Variants in MZT2B observed in about 807,000 individuals in gnomAD.
MZT2B encodes mitotic-spindle organizing protein 2B.
Under a neutral mutation model 12.1 loss-of-function variants are expected in MZT2B, and 11 were observed. The ratio of observed to expected loss-of-function variants is 0.91; its 90% CI spans 0.57 to 1.50. The LOEUF (loss-of-function observed/expected upper bound fraction) is 1.50. MZT2B is among the 40% of genes most tolerant of loss of function. MZT2B has a pLI of 0.00. For synonymous variants in MZT2B, 85 were observed against 109.5 expected (o/e 0.78, Z 1.40); for missense variants, 209 against 227.7 (o/e 0.92, Z 0.53).
At chr2:130,200,589 C>T in the MZT2B span, among the ~76,000 whole-genome samples, 2 of 152,132 alleles carry the variant, frequency 1.3e-5, no homozygotes, top group Non-Finnish European at 2.9e-5. Flanking sequence ...TTCTGCACAC[C>T]TCACATAACT....
chr2:130,204,235 C>T, the MZT2B span: 7 of 1,035,378 alleles, frequency 6.8e-6, no homozygotes, highest in Middle Eastern at 4.9e-4. Flanking sequence ...CCATCAGCAG[C>T]AAAAGCTGGC....
chr2:130,204,712 T>A, the MZT2B span, among the ~76,000 whole-genome samples: 10 of 47,716 alleles, frequency 2.1e-4, no homozygotes, highest in African/African-American at 7.1e-4. Flanking sequence ...AAAGGGGGGG[T>A]GGGGAGGAAG....
chr2:130,185,959 C>T (rs1690044500), intron 2 of MZT2B, among the ~76,000 whole-genome samples: 1 of 152,028 alleles, frequency 6.6e-6, no homozygotes, highest in African/African-American at 2.4e-5. Context: ...AGAGTGGAAC[C>T]TGAGGAGGAG....
At chr2:130,185,940 T>C (rs10198499) in intron 2 of MZT2B, among the ~76,000 whole-genome samples, 78,099 of 151,676 alleles carry the variant, frequency 0.51, 22,241 homozygotes, top group African/African-American at 0.77. Context: ...ACCGAGGCCC[T>C]GTGGAGATAG....
At chr2:130,181,716 G>C (rs1277628276), upstream of MZT2B, 1 of 1,549,080 alleles carries the variant, frequency 6.5e-7, no homozygotes, top group East Asian at 2.4e-5. Flanking sequence ...GCGGGGAAGA[G>C]AAATGGCGAG....
At chr2:130,191,647 G>A (rs548747325), downstream of MZT2B, 618 of 1,093,782 alleles carry the variant, frequency 5.7e-4, 6 homozygotes, top group African/African-American at 8.6e-3. Context: ...CCAACCCCAC[G>A]CCAGCAGGGC....
At chr2:130,203,048 C>CTTTTTTTTTTTTTTT in the MZT2B span, among the ~76,000 whole-genome samples, 3 of 118,528 alleles carry the variant, frequency 2.5e-5, no homozygotes, top group Non-Finnish European at 3.5e-5. Context: ...TTTCTTTTTT[C>CTTTTTTTTTTTTTTT]TTTTTTTTTT....
At chr2:130,196,459 T>C in the MZT2B span, 3 of 1,521,498 alleles carry the variant, frequency 2.0e-6, no homozygotes, top group Non-Finnish European at 2.7e-6. Context: ...TTAATATTTA[T>C]ATAGTGCTTC....
chr2:130,183,279 G>A, intron 2 of MZT2B: 1 of 273,434 alleles, frequency 3.7e-6, no homozygotes, highest in Non-Finnish European at 7.1e-6. Flanking sequence ...AGGGCAGGCA[G>A]AGGTCTTCCT....
rs557279045 is a variant in MZT2B at position 130,183,923 on chromosome 2, G to C, written c.319+1148G>C. The C allele has an allele frequency of 2.6e-6, 4 of 1,550,502 alleles. 1 individual carries two copies. The highest frequency in any genetic ancestry group is 2.7e-5 in the African/African-American group (2 of 73,134). ...ACTCGCCTCTCTCTCCAGGCCCCCC[G>C]GGTTCCCTCCGCCTCTCTTGCTGCC... On this transcript the variant is annotated intron_variant, in intron 2 of 2. Coordinates refer to ENST00000281871, the MANE Select transcript of MZT2B (RefSeq NM_025029.5).
chr2:130,192,196 C>T (rs1308119853), downstream of MZT2B: 8 of 1,541,936 alleles, frequency 5.2e-6, no homozygotes, highest in African/African-American at 2.7e-5. Flanking sequence ...GCTACTTCTC[C>T]TCAAACAGAA....
At chr2:130,191,533 G>C (rs1690258531), downstream of MZT2B, among the ~76,000 whole-genome samples, 1 of 152,150 alleles carries the variant, frequency 6.6e-6, no homozygotes, top group Admixed American at 6.5e-5. Context: ...AGCTTTCCTA[G>C]AATTTAGGAA....
At position 130,182,322 on chromosome 2, in the gene MZT2B, G is replaced by T; in HGVS notation, c.40G>T (p.Ala14Ser). Residue 14 changes from alanine to serine, a missense_variant, in exon 1 of 3, where the codon GCG becomes TCG. Coordinates refer to ENST00000281871, the MANE Select transcript of MZT2B (RefSeq NM_025029.5). ...CGTAGGGCCTGGGCCGGGGTCGGCG[G>T]CGCCCCCGGGGCTGGAGGCGGCCCG... ...QGVGPGPGSA[A>S]PPGLEAARQK... 6.6e-7 allele frequency: 1 copy of T among 1,518,184 alleles called. No individual in the cohort carries two copies. The highest frequency in any genetic ancestry group is 8.8e-7 in the Non-Finnish European group (1 of 1,139,690). The allele number at this position is 1,518,184 out of a possible 1,614,324, so 94.0% of individuals were successfully genotyped here. A position where few individuals can be genotyped will look rare whatever the true frequency, so the allele number is the denominator to read the frequency against.
upstream of MZT2B, chr2:130,182,167 C>G: frequency 7.9e-7 from 1 of 1,267,236 alleles, no homozygotes; most frequent in East Asian, 3.6e-5. Context: ...CGCGCTCCCG[C>G]CCCTCCCGCC....
At chr2:130,186,622 A>C (rs958998695) in intron 2 of MZT2B, among the ~76,000 whole-genome samples, 19 of 152,346 alleles carry the variant, frequency 1.2e-4, no homozygotes, top group Non-Finnish European at 2.6e-4. Context: ...AGCAGATGCC[A>C]AATGACCGGT....
chr2:130,198,483 G>A, the MZT2B span: 2 of 1,173,616 alleles, frequency 1.7e-6, no homozygotes. Flanking sequence ...GCCGGTGCCA[G>A]GCCGCCATTG....
At chr2:130,193,308 A>T (rs1690314740), downstream of MZT2B, among the ~76,000 whole-genome samples, 1 of 151,916 alleles carries the variant, frequency 6.6e-6, no homozygotes, top group Non-Finnish European at 1.5e-5. Context: ...ACTCAGAAAG[A>T]GTTCAAAAGA....
chr2:130,190,588 G>T lies in MZT2B; in HGVS notation c.439G>T (p.Gly147Cys). 6.2e-7 allele frequency: 1 copy of T among 1,613,174 alleles called. No homozygotes were observed. The highest frequency in any genetic ancestry group is 8.5e-7 in the Non-Finnish European group (1 of 1,179,574). The stretch of plus-strand genomic sequence containing the variant: ...CAGCGCTACCAGGCTGCCCAAGGGG[G>T]GCGGGCCTGGGAAGAGCCCTACACG... ...QPSATRLPKG[G>C]GPGKSPTRGS... The change falls in exon 3 of 3, where the codon GGC (glycine) becomes TGC (cysteine). Residue 147 changes from glycine to cysteine, a missense_variant. By Grantham distance (159) the Gly-to-Cys change is radical. Coordinates refer to ENST00000281871, the MANE Select transcript of MZT2B (RefSeq NM_025029.5).
At chr2:130,181,860 C>T (rs773253705), upstream of MZT2B, 21 of 1,535,134 alleles carry the variant, frequency 1.4e-5, 1 homozygote, top group South Asian at 2.0e-4. Flanking sequence ...AGTGCCCCCC[C>T]CTTCCCCCCG....
Sources: gnomAD v4.1 joint callset for allele counts (sites outside exome capture counted in the v4.1 genomes callset) on GRCh38, gnomAD v4.1.1 for gene constraint, MANE v1.5 for transcripts, NCBI Gene and HGNC (gene_info 2026-07-23, HGNC 2026-07-21) for gene names.